UFL1: variants seen among roughly 807,000 people sequenced by gnomAD.
UFL1 encodes E3 UFM1-protein ligase 1.
A neutral mutation model predicts 99.3 loss-of-function variants in UFL1; 78 were observed. That is an observed-to-expected ratio of 0.79 (90% CI 0.65 to 0.95). The LOEUF is 0.95. UFL1 is among the 40% of genes least tolerant of loss of function. UFL1 has a pLI of 0.00. For missense variants in UFL1, 936 were observed against 937.0 expected (o/e 1.00, Z 0.01); for synonymous variants, 335 against 322.2 (o/e 1.04, Z -0.42).
At position 96,528,483 on chromosome 6, in the gene UFL1, T is replaced by C. The variant is rs1439966514; in HGVS notation, c.466-19T>C. ...TTCTTTTCTTTTAAATTAATAAAAA[T>C]GTACATCTTTACCCACAGGCACTAA... On this transcript the variant is annotated intron_variant, in intron 5 of 18. Coordinates refer to ENST00000369278, the MANE Select transcript of UFL1 (RefSeq NM_015323.5). 6.2e-7 allele frequency: 1 copy of C among 1,605,306 alleles called. No homozygotes were observed. The highest frequency in any genetic ancestry group is 1.1e-5 in the South Asian group (1 of 90,068).
At chr6:96,537,090 C>A (rs561709102) in intron 8 of UFL1, among the ~76,000 whole-genome samples, 1 of 151,600 alleles carries the variant, frequency 6.6e-6, no homozygotes, top group East Asian at 1.9e-4. Flanking sequence ...ACCTGTAAGT[C>A]CTTAGTATAT....
intron 11 of UFL1, among the ~76,000 whole-genome samples, chr6:96,541,279 A>C (rs962107180): frequency 6.6e-6 from 1 of 151,396 alleles, no homozygotes; most frequent in Non-Finnish European, 1.5e-5. Flanking sequence ...GATATATTTT[A>C]GGTGTCCTAT....
rs1212781808 is a variant in UFL1, at chr6:96,538,620, TG to T, written c.979-10del. On this transcript the variant is annotated splice_polypyrimidine_tract_variant and intron_variant, in intron 9 of 18. Coordinates refer to ENST00000369278, the MANE Select transcript of UFL1 (RefSeq NM_015323.5). ...ATTTATACTTTATTTTTATTTTGTT[TG>T]TAATTCTAGCCTCTGCTACCCACTT... The T allele has an allele frequency of 1.9e-6, 3 of 1,608,770 alleles. No individual in the cohort carries two copies. Among genetic ancestry groups the T allele is most frequent in the African/African-American group, 2.7e-5 (2 of 74,640 alleles).
chr6:96,534,425 CTA>C (rs1769825828), intron 7 of UFL1, 104 bp downstream of exon 7: 4 of 882,318 alleles, frequency 4.5e-6, no homozygotes, highest in Non-Finnish European at 6.3e-6. Context: ...GTTAATGTAA[CTA>C]AAATATTTCC....
chr6:96,553,701 A>G lies in UFL1; in HGVS notation c.*198A>G. 4.8e-6 allele frequency: 2 copies of G among 420,474 alleles called. No individual in the cohort carries two copies. The highest frequency in any genetic ancestry group is 3.4e-5 in the East Asian group (1 of 29,356). 26.0% of individuals were successfully genotyped at this position (420,474 alleles called of 1,614,324 possible). A position where few individuals can be genotyped will look rare whatever the true frequency, so the allele number is the denominator to read the frequency against. On this transcript the variant is annotated 3_prime_UTR_variant, in exon 19 of 19. Coordinates refer to ENST00000369278, the MANE Select transcript of UFL1 (RefSeq NM_015323.5). ...TGAATTTTTGTAAATTGGGTTCTTC[A>G]TGGAAGTTTTTTTCCACCTGATTTT... is the stretch of plus-strand genomic sequence containing the variant.
chr6:96,537,527 C>G lies in UFL1; in HGVS notation c.956C>G (p.Ser319Cys), dbSNP rs1429705269. 6.3e-7 allele frequency: 1 copy of G among 1,599,848 alleles called. No homozygotes were observed. Among genetic ancestry groups the G allele is most frequent in the South Asian group, 1.1e-5 (1 of 88,772 alleles). The change falls in exon 9 of 19, where the codon TCT becomes TGT. Residue 319 changes from serine (S) to cysteine (C), a missense_variant. Coordinates refer to ENST00000369278, the MANE Select transcript of UFL1 (RefSeq NM_015323.5). ...GCATCAGTAGAAGAAGCCATCAGCTCTGGAACATGGGTTGATATTGCAGTA... is the reference window on the plus strand; with the variant it reads ...GCATCAGTAGAAGAAGCCATCAGCTGTGGAACATGGGTTGATATTGCAGTA... ...VEASVEEAIS[S>C]GTWVDIAPLL...
chr6:96,540,688 T>A (rs1216026453), intron 11 of UFL1, 33 bp downstream of exon 11: 1 of 1,581,262 alleles, frequency 6.3e-7, no homozygotes, highest in East Asian at 2.3e-5. Flanking sequence ...TATTCAAAGT[T>A]TTGTATTTGT....
chr6:96,538,904 A>T, intron 10 of UFL1, 94 bp downstream of exon 10: 1 of 1,090,588 alleles, frequency 9.2e-7, no homozygotes, highest in Non-Finnish European at 1.3e-6. Flanking sequence ...GTGAAAGTGA[A>T]CACTTTGTAT....
intron 6 of UFL1, among the ~76,000 whole-genome samples, chr6:96,530,274 T>G (rs1357992135): frequency 6.6e-6 from 1 of 152,228 alleles, no homozygotes; most frequent in African/African-American, 2.4e-5. Context: ...TGCTGTTTTT[T>G]CATGTTATAC....
intron 12 of UFL1, among the ~76,000 whole-genome samples, chr6:96,547,167 A>G (rs1041128453): frequency 6.6e-6 from 1 of 151,740 alleles, no homozygotes; most frequent in Non-Finnish European, 1.5e-5. Flanking sequence ...AGCAAAGGAT[A>G]TGAACAGATA....
intron 12 of UFL1, among the ~76,000 whole-genome samples, chr6:96,546,180 C>T (rs764297771): frequency 6.7e-5 from 10 of 148,234 alleles, no homozygotes; most frequent in Non-Finnish European, 1.3e-4. Flanking sequence ...TATCAGGATA[C>T]AAAATGAGTA....
intron 13 of UFL1, among the ~76,000 whole-genome samples, chr6:96,548,705 CA>C (rs1473180999): frequency 6.6e-6 from 1 of 151,538 alleles, no homozygotes; most frequent in Non-Finnish European, 1.5e-5. Flanking sequence ...AAATTCACTT[CA>C]AAAAGAATAA....
At chr6:96,551,795 A>G in intron 16 of UFL1, 43 bp from the exon 17 acceptor site, 1 of 1,266,472 alleles carries the variant, frequency 7.9e-7, no homozygotes, top group Non-Finnish European at 1.1e-6. Context: ...TTCCTTATGC[A>G]GTTATATATA....
intron 12 of UFL1, 96 bp from the exon 13 acceptor site, chr6:96,548,068 A>G (rs1226315722): frequency 1.3e-6 from 1 of 753,214 alleles, no homozygotes; most frequent in East Asian, 3.0e-5. Flanking sequence ...TGAATGAATT[A>G]TTGTCTTACT....
chr6:96,539,430 CAT>C (rs1195039319), intron 10 of UFL1, among the ~76,000 whole-genome samples: 3 of 151,516 alleles, frequency 2.0e-5, no homozygotes, highest in Non-Finnish European at 4.4e-5. Flanking sequence ...TTAATAAATT[CAT>C]GAGGGCTTAT....
rs141416978 is a variant in UFL1, at chr6:96,552,501, C to T, written c.2005C>T (p.Arg669Ter). The change falls in exon 18 of 19, where the codon CGA (arginine) becomes TGA (stop). Residue 669 changes from arginine to a stop codon, truncating the protein, a stop_gained. Coordinates refer to ENST00000369278, the MANE Select transcript of UFL1 (RefSeq NM_015323.5). LOFTEE classifies it high-confidence loss of function. ...KRERQILFQH[R>*]QALAEQLKVT... is the part of the protein sequence containing the mutation. ...TTTTAGACAGATACTGTTCCAACAT[C>T]GACAAGCACTGGCTGAACAGCTAAA... The T allele has an allele frequency of 6.0e-5, 95 of 1,581,050 alleles. No homozygotes were observed. Among genetic ancestry groups the T allele is most frequent in the Non-Finnish European group, 7.6e-5 (89 of 1,169,972 alleles).
rs545744500 is a variant in UFL1 at position 96,553,405 on chromosome 6, G to A, written c.2287G>A (p.Asp763Asn). Residue 763 changes from aspartate to asparagine, a missense_variant, in exon 19 of 19, where the codon GAT becomes AAT. Transcript: ENST00000369278. ...TAATGAATTAGACAAAGAACAAGAA[G>A]ATGTTGCCAGTACTACTCGTAAAGA... is the stretch of plus-strand genomic sequence containing the variant. ...LNNELDKEQEDVASTTRKELQ... is the reference protein window; with the variant it reads ...LNNELDKEQENVASTTRKELQ... 38 of 1,613,680 alleles carry A rather than the reference G, an allele frequency of 2.4e-5. No homozygotes were observed. Among genetic ancestry groups the A allele is most frequent in the Non-Finnish European group, 3.1e-5 (36 of 1,179,856 alleles).
chr6:96,549,862 TTTATC>T lies in UFL1; in HGVS notation c.1818+68_1818+72del, dbSNP rs568836674. ...TGTTTTGCATCTATACACATTTTAT[TTTATC>T]TTATTTGGAGTAAAGAGGAAAATAA... On this transcript the variant is annotated intron_variant, in intron 15 of 18. Coordinates refer to ENST00000369278, the MANE Select transcript of UFL1 (RefSeq NM_015323.5). The T allele has an allele frequency of 1.2e-4, 194 of 1,555,248 alleles. 2 individuals are homozygous for T. The South Asian group carries it at 2.0e-3, about 16-fold the overall frequency.
chr6:96,543,111 G>A (rs975273083), intron 12 of UFL1, 95 bp downstream of exon 12: 4 of 1,412,378 alleles, frequency 2.8e-6, no homozygotes, highest in East Asian at 2.7e-5. Flanking sequence ...TGCTAATACA[G>A]GAAGTCCTTA....
Sources: gnomAD v4.1 joint callset for allele counts (sites outside exome capture counted in the v4.1 genomes callset) on GRCh38, gnomAD v4.1.1 for gene constraint, MANE v1.5 for transcripts, NCBI Gene and HGNC (gene_info 2026-07-23, HGNC 2026-07-21) for gene names.